EPHA6: variants seen among roughly 807,000 people sequenced by gnomAD.
The protein encoded by EPHA6 is EPH receptor A6, also known as ephrin type-A receptor 6.
In EPHA6, 50 loss-of-function variants were observed where a neutral mutation model predicts 112.0. The ratio of observed to expected loss-of-function variants is 0.45; its 90% CI spans 0.36 to 0.56. The LOEUF is 0.56. Among genes scored for constraint, EPHA6 ranks in the 20% least tolerant of loss-of-function variants. The pLI, the probability that EPHA6 is intolerant of heterozygous loss-of-function variation, is 0.00. For synonymous variants in EPHA6, 529 were observed against 490.7 expected (o/e 1.08, Z -1.03); for missense variants, 1,280 against 1,417.4 (o/e 0.90, Z 1.56).
intron 1 of EPHA6, among the ~76,000 whole-genome samples, 174 bp downstream of exon 1, chr3:96,815,182 G>T (rs1414145663): frequency 6.6e-6 from 1 of 152,144 alleles, no homozygotes; most frequent in South Asian, 2.1e-4. Flanking sequence ...CACCGCCCGG[G>T]ACGGTGACTC....
At chr3:97,576,891 C>T (rs1435261081) in intron 11 of EPHA6, among the ~76,000 whole-genome samples, 1 of 152,092 alleles carries the variant, frequency 6.6e-6, no homozygotes, top group East Asian at 1.9e-4. Context: ...TGACATTTGC[C>T]TTTGTGGAAA....
chr3:97,013,348 A>T (rs2044156334), intron 3 of EPHA6, among the ~76,000 whole-genome samples: 1 of 152,222 alleles, frequency 6.6e-6, no homozygotes, highest in African/African-American at 2.4e-5. Flanking sequence ...CTTAGAAATG[A>T]TAAAAAAAAA....
chr3:96,975,663 T>C (rs2042492813), intron 2 of EPHA6, among the ~76,000 whole-genome samples: 1 of 152,156 alleles, frequency 6.6e-6, no homozygotes, highest in African/African-American at 2.4e-5. Flanking sequence ...GGAGTACAAA[T>C]CATTCTTGCT....
At chr3:97,107,255 A>G (rs1378712001) in intron 3 of EPHA6, among the ~76,000 whole-genome samples, 8 of 152,132 alleles carry the variant, frequency 5.3e-5, no homozygotes, top group Admixed American at 3.3e-4. Flanking sequence ...ATCTGCCTGA[A>G]TATTCAAGAA....
intron 11 of EPHA6, among the ~76,000 whole-genome samples, chr3:97,549,988 G>T (rs1014427801): frequency 5.3e-5 from 8 of 152,106 alleles, no homozygotes; most frequent in African/African-American, 1.9e-4. Flanking sequence ...AGCAGCTGAA[G>T]AATTTTTGAA....
At chr3:96,954,662 T>C (rs1028842509) in intron 2 of EPHA6, among the ~76,000 whole-genome samples, 1 of 152,152 alleles carries the variant, frequency 6.6e-6, no homozygotes. Flanking sequence ...TAGAGCACTT[T>C]TCACCAATGA....
At chr3:97,355,874 G>A (rs947161607) in intron 5 of EPHA6, among the ~76,000 whole-genome samples, 1 of 152,100 alleles carries the variant, frequency 6.6e-6, no homozygotes, top group African/African-American at 2.4e-5. Flanking sequence ...AAAAGGGCAG[G>A]AGTAGCTATA....
intron 2 of EPHA6, among the ~76,000 whole-genome samples, chr3:96,889,753 G>A (rs369811893): frequency 5.2e-4 from 79 of 152,140 alleles, no homozygotes; most frequent in Non-Finnish European, 9.6e-4. Flanking sequence ...GAATACTGAG[G>A]CATTTACACC....
At chr3:97,243,491 G>A (rs971017231) in intron 4 of EPHA6, among the ~76,000 whole-genome samples, 42 of 151,646 alleles carry the variant, frequency 2.8e-4, no homozygotes, top group Non-Finnish European at 4.9e-4. Flanking sequence ...GTGATGAATG[G>A]GGATTTTATC....
At chr3:97,218,146 C>T (rs2078085679) in intron 3 of EPHA6, among the ~76,000 whole-genome samples, 1 of 152,002 alleles carries the variant, frequency 6.6e-6, no homozygotes, top group South Asian at 2.1e-4. Context: ...TGGTGCATGC[C>T]TGTAGTCCCA....
intron 1 of EPHA6, among the ~76,000 whole-genome samples, chr3:96,859,690 G>A (rs931767619): frequency 2.6e-5 from 4 of 151,956 alleles, no homozygotes; most frequent in Non-Finnish European, 5.9e-5. Context: ...CCTGTATTTG[G>A]GATTGTTTTG....
chr3:96,890,568 T>C (rs934409593), intron 2 of EPHA6, among the ~76,000 whole-genome samples: 1 of 152,206 alleles, frequency 6.6e-6, no homozygotes, highest in African/African-American at 2.4e-5. Context: ...TTCTTTATTC[T>C]TTTTTTGGTT....
At chr3:96,956,927 G>C (rs1268577628) in intron 2 of EPHA6, among the ~76,000 whole-genome samples, 1 of 151,780 alleles carries the variant, frequency 6.6e-6, no homozygotes, top group East Asian at 1.9e-4. Flanking sequence ...CAGATACTCG[G>C]GAGGCTGAGG....
intron 11 of EPHA6, among the ~76,000 whole-genome samples, chr3:97,536,173 A>G (rs982554248): frequency 7.2e-5 from 11 of 152,182 alleles, no homozygotes; most frequent in African/African-American, 2.4e-4. Context: ...AGCACAGATA[A>G]TAGCAATTTG....
At chr3:97,079,812 C>A (rs755070945) in intron 3 of EPHA6, among the ~76,000 whole-genome samples, 2 of 151,934 alleles carry the variant, frequency 1.3e-5, no homozygotes, top group African/African-American at 2.4e-5. Context: ...CAGCTACCAT[C>A]CTGATCTGTC....
rs562943359 is a variant in EPHA6 at position 97,467,709 on chromosome 3, A to G, written c.1895-7643A>G. Among the ~76,000 whole-genome samples the G allele has an allele frequency of 7.9e-5, 12 of 151,926 alleles. No homozygotes were observed. In the South Asian group the frequency reaches 2.5e-3, roughly 31 times the overall value. On this transcript the variant is annotated intron_variant, in intron 7 of 17. Transcript: ENST00000389672. ...TCTCAACTGCCAGTAACAATATGAA[A>G]TACAGACAATTACAAATTACATCTT...
chr3:97,663,139 T>C (rs2094180999), intron 14 of EPHA6, among the ~76,000 whole-genome samples: 1 of 152,126 alleles, frequency 6.6e-6, no homozygotes, highest in Non-Finnish European at 1.5e-5. Context: ...GGAAGTATCA[T>C]GGGGTAGGAC....
At chr3:97,587,029 G>T (rs2093496287) in intron 11 of EPHA6, among the ~76,000 whole-genome samples, 1 of 152,122 alleles carries the variant, frequency 6.6e-6, no homozygotes, top group South Asian at 2.1e-4. Context: ...GATCACCTGA[G>T]GTCAGGAGTT....
chr3:96,970,794 G>A (rs567642341), intron 2 of EPHA6, among the ~76,000 whole-genome samples: 1 of 152,170 alleles, frequency 6.6e-6, no homozygotes, highest in Non-Finnish European at 1.5e-5. Flanking sequence ...TACTTTTGGT[G>A]TTAATTCTTC....
Sources: gnomAD v4.1 joint callset for allele counts (sites outside exome capture counted in the v4.1 genomes callset) on GRCh38, gnomAD v4.1.1 for gene constraint, MANE v1.5 for transcripts, NCBI Gene and HGNC (gene_info 2026-07-23, HGNC 2026-07-21) for gene names.